Variants in MED12L observed in about 807,000 individuals in gnomAD.
MED12L encodes mediator of RNA polymerase II transcription subunit 12-like protein.
A neutral mutation model predicts 281.3 loss-of-function variants in MED12L; 60 were observed. The observed-to-expected ratio is 0.21, with a 90% CI of 0.17 to 0.26. The LOEUF is 0.26. Ranked by LOEUF, MED12L falls within the 10% of genes least tolerant of loss-of-function variation. The probability of loss-of-function intolerance (pLI) is 1.00; values close to 1 mark genes in which losing one functional copy is unlikely to be tolerated. For missense variants in MED12L, 2,146 were observed against 2,680.9 expected (o/e 0.80, Z 4.41); for synonymous variants, 974 against 987.2 (o/e 0.99, Z 0.25).
chr3:151,136,640 A>T (rs1313284451), intron 5 of MED12L, among the ~76,000 whole-genome samples: 1 of 152,340 alleles, frequency 6.6e-6, no homozygotes, highest in Non-Finnish European at 1.5e-5. Context: ...CTTTTACCTA[A>T]AAGTTTTAAC....
At chr3:151,392,094 C>T (rs1714307776) in intron 38 of MED12L, among the ~76,000 whole-genome samples, 1 of 152,198 alleles carries the variant, frequency 6.6e-6, no homozygotes, top group Non-Finnish European at 1.5e-5. Context: ...TGTAAAAGCA[C>T]ATAATCTCTC....
rs200565779 is a variant in MED12L at position 151,360,275 on chromosome 3, G to GT, written c.2826-191dup. 6.8e-3 allele frequency among the ~76,000 whole-genome samples: 1,030 copies of GT among 152,044 alleles called. 4 individuals are homozygous for GT. The highest frequency in any genetic ancestry group is 0.011 in the Admixed American group (169 of 15,272). ...TCTTGTCATCAGTGACATTTCTGAA[G>GT]TTTTTTTTAAAATCTATTTCAGTGT... is the stretch of plus-strand genomic sequence containing the variant. On this transcript the variant is annotated intron_variant, in intron 20 of 44. Transcript: ENST00000687756.
At chr3:151,199,402 G>A in intron 16 of MED12L, 1 of 1,574,030 alleles carries the variant, frequency 6.4e-7, no homozygotes, top group Non-Finnish European at 8.6e-7. Flanking sequence ...GGGAAAGTAA[G>A]GATGACTGCT....
intron 16 of MED12L, among the ~76,000 whole-genome samples, chr3:151,313,401 G>A (rs529645172): frequency 1.3e-5 from 2 of 152,192 alleles, no homozygotes; most frequent in Admixed American, 1.3e-4. Flanking sequence ...ACAAAAAGAG[G>A]TAACAGCAAA....
chr3:151,289,885 T>G (rs1446455999), intron 16 of MED12L, among the ~76,000 whole-genome samples: 1 of 151,948 alleles, frequency 6.6e-6, no homozygotes, highest in African/African-American at 2.4e-5. Context: ...AACACAATTT[T>G]TTTTTTTTTT....
chr3:151,300,506 A>G (rs1745757420), intron 16 of MED12L, among the ~76,000 whole-genome samples: 1 of 151,956 alleles, frequency 6.6e-6, no homozygotes, highest in African/African-American at 2.4e-5. Context: ...GATTTCCCCC[A>G]CCCCTTCCCC....
intron 2 of MED12L, among the ~76,000 whole-genome samples, chr3:151,116,108 A>G (rs533863364): frequency 2.8e-4 from 42 of 151,440 alleles, no homozygotes; most frequent in South Asian, 6.3e-4. Context: ...AGGAATACCC[A>G]TATACTCTGC....
chr3:151,388,182 G>A lies in MED12L; in HGVS notation c.5451+10G>A, dbSNP rs2276762. ...TAGCTCAAGAGTTGATGTAAGTGGG[G>A]AAAGGAAGGAGAACCTTGGCTCATT... On this transcript the variant is annotated intron_variant, in intron 37 of 44. Transcript: ENST00000687756. The A allele has an allele frequency of 0.046, 72,225 of 1,583,090 alleles. 3,011 individuals are homozygous for A. Among genetic ancestry groups the A allele is most frequent in the Middle Eastern group, 0.2 (1,181 of 5,948 alleles).
chr3:151,169,119 T>TG (rs976859083), intron 11 of MED12L, among the ~76,000 whole-genome samples: 6 of 141,764 alleles, frequency 4.2e-5, no homozygotes, highest in South Asian at 2.2e-4. Flanking sequence ...TTTTTTTTTT[T>TG]TTGTTTTTTT....
intron 16 of MED12L, among the ~76,000 whole-genome samples, chr3:151,348,795 G>T (rs146108852): frequency 0.01 from 1,594 of 152,274 alleles, 43 homozygotes; most frequent in African/African-American, 0.036. Flanking sequence ...AGAAAAACAG[G>T]CGCTTAGTTT....
At chr3:151,192,894 T>A (rs1724172829) in intron 15 of MED12L, among the ~76,000 whole-genome samples, 1 of 152,224 alleles carries the variant, frequency 6.6e-6, no homozygotes. Context: ...TTTTTGTTCA[T>A]TTTGAGCTCA....
intron 16 of MED12L, among the ~76,000 whole-genome samples, chr3:151,235,304 G>A (rs1732509324): frequency 6.6e-6 from 1 of 152,200 alleles, no homozygotes; most frequent in Non-Finnish European, 1.5e-5. Flanking sequence ...GGCCCTGCAA[G>A]CATGACCAGC....
chr3:151,089,922 C>T (rs577459741), intron 2 of MED12L, among the ~76,000 whole-genome samples: 1 of 152,312 alleles, frequency 6.6e-6, no homozygotes, highest in Admixed American at 6.5e-5. Flanking sequence ...CATCCATGCG[C>T]ACATCCTGTT....
intron 4 of MED12L, among the ~76,000 whole-genome samples, chr3:151,125,580 C>G (rs1264366092): frequency 6.6e-6 from 1 of 152,192 alleles, no homozygotes; most frequent in Non-Finnish European, 1.5e-5. Flanking sequence ...AGGCCTTGAC[C>G]TGTATAACCT....
intron 16 of MED12L, chr3:151,328,952 C>A (rs371578438): frequency 6.2e-7 from 1 of 1,613,438 alleles, no homozygotes; most frequent in Non-Finnish European, 8.5e-7. Flanking sequence ...TCTGGGGCAC[C>A]GCTCAGATCT....
At chr3:151,105,246 C>T (rs1721863960) in intron 2 of MED12L, among the ~76,000 whole-genome samples, 1 of 152,178 alleles carries the variant, frequency 6.6e-6, no homozygotes, top group Admixed American at 6.5e-5. Flanking sequence ...TTGCTTCCTT[C>T]ATCGCCTTCT....
chr3:151,380,075 T>A, intron 31 of MED12L, 38 bp from the exon 32 acceptor site: 1 of 1,287,710 alleles, frequency 7.8e-7, no homozygotes, highest in Non-Finnish European at 1.1e-6. Context: ...ATGCATTATT[T>A]CTAACTAGAT....
chr3:151,387,701 A>G, intron 36 of MED12L, 109 bp from the exon 37 acceptor site: 1 of 1,345,972 alleles, frequency 7.4e-7, no homozygotes, highest in Non-Finnish European at 1.0e-6. Flanking sequence ...CGGGTTCTCT[A>G]GGGCTCATGC....
At chr3:151,099,065 A>G (rs1240210886) in intron 2 of MED12L, among the ~76,000 whole-genome samples, 1 of 152,130 alleles carries the variant, frequency 6.6e-6, no homozygotes, top group Non-Finnish European at 1.5e-5. Context: ...GGGAAACTGT[A>G]CCCGTGATTC....
Sources: allele counts gnomAD v4.1 joint callset (sites outside exome capture counted in the v4.1 genomes callset), GRCh38; gene constraint gnomAD v4.1.1; transcripts MANE v1.5; gene names NCBI Gene and HGNC (gene_info 2026-07-23, HGNC 2026-07-21).